STPG2: variants seen among roughly 807,000 people sequenced by gnomAD.
STPG2 encodes the protein sperm-tail PG-rich repeat-containing protein 2.
Under a neutral mutation model 54.2 loss-of-function variants are expected in STPG2, and 56 were observed. The observed-to-expected ratio is 1.03, with a 90% CI of 0.83 to 1.29. The LOEUF is 1.29. Ranked by LOEUF, STPG2 falls within the 50% of genes most tolerant of loss-of-function variation. The pLI, the probability that STPG2 is intolerant of heterozygous loss-of-function variation, is 0.00. For missense variants in STPG2, 596 were observed against 544.9 expected, an observed-to-expected ratio of 1.09 and a Z score of -0.93; for synonymous variants, 200 against 181.8, an observed-to-expected ratio of 1.10 and a Z score of -0.81.
At chr4:98,093,610 A>G (rs7663661) in intron 5 of STPG2, among the ~76,000 whole-genome samples, 60,145 of 151,988 alleles carry the variant, frequency 0.4, 12,135 homozygotes, top group Middle Eastern at 0.46. Context: ...ATCACAGTAC[A>G]TGGTTTTGAC....
intron 4 of STPG2, among the ~76,000 whole-genome samples, chr4:97,553,407 T>C (rs1489951923): frequency 2.0e-5 from 3 of 152,168 alleles, no homozygotes; most frequent in Non-Finnish European, 2.9e-5. Context: ...TAAATATTAC[T>C]ACATTTCTTC....
chr4:97,790,225 T>G (rs958588155), intron 9 of STPG2, among the ~76,000 whole-genome samples: 1 of 152,148 alleles, frequency 6.6e-6, no homozygotes, highest in Non-Finnish European at 1.5e-5. Context: ...TCCCTATCAT[T>G]TCTATTTACT....
intron 10 of STPG2, among the ~76,000 whole-genome samples, chr4:97,608,368 C>T (rs1733646280): frequency 6.6e-6 from 1 of 151,954 alleles, no homozygotes; most frequent in Non-Finnish European, 1.5e-5. Context: ...CATTGTAATG[C>T]TCAGAGGAAT....
At chr4:97,742,534 T>A (rs866061059) in intron 9 of STPG2, among the ~76,000 whole-genome samples, 1 of 137,598 alleles carries the variant, frequency 7.3e-6, no homozygotes, top group African/African-American at 2.7e-5. Context: ...TGTGTGTGTG[T>A]GTGTGTGTGT....
chr4:97,736,295 G>A (rs938671809), intron 9 of STPG2, among the ~76,000 whole-genome samples: 7 of 152,332 alleles, frequency 4.6e-5, no homozygotes, highest in Admixed American at 3.3e-4. Flanking sequence ...GAAGATGGGT[G>A]ATTTCTGCAT....
At chr4:97,541,247 A>G (rs1254138183) in intron 4 of STPG2, among the ~76,000 whole-genome samples, 3 of 152,136 alleles carry the variant, frequency 2.0e-5, no homozygotes, top group Non-Finnish European at 2.9e-5. Flanking sequence ...AAATCTCCTT[A>G]AGCTGATAAG....
chr4:98,065,747 A>G (rs1216511741), intron 5 of STPG2, among the ~76,000 whole-genome samples: 1 of 152,152 alleles, frequency 6.6e-6, no homozygotes, highest in African/African-American at 2.4e-5. Flanking sequence ...CAGAAGTGAA[A>G]GAGAAAAACC....
intron 8 of STPG2, among the ~76,000 whole-genome samples, chr4:97,942,250 A>G (rs962690800): frequency 5.3e-5 from 8 of 151,698 alleles, no homozygotes; most frequent in Non-Finnish European, 1.0e-4. Flanking sequence ...TGATATTATG[A>G]TAGAAATAAC....
At chr4:98,055,124 G>A (rs1737441322) in intron 5 of STPG2, among the ~76,000 whole-genome samples, 1 of 152,116 alleles carries the variant, frequency 6.6e-6, no homozygotes, top group South Asian at 2.1e-4. Flanking sequence ...AACAGCCAAT[G>A]GGAGAATCCT....
intron 4 of STPG2, among the ~76,000 whole-genome samples, chr4:97,447,569 G>A (rs1393581846): frequency 6.6e-6 from 1 of 152,194 alleles, no homozygotes; most frequent in Non-Finnish European, 1.5e-5. Flanking sequence ...CTCCAGCCTT[G>A]GCTAAAACGG....
At chr4:97,581,235 T>G (rs989288233) in intron 10 of STPG2, among the ~76,000 whole-genome samples, 4 of 152,078 alleles carry the variant, frequency 2.6e-5, no homozygotes, top group African/African-American at 9.7e-5. Context: ...CTCAGAAAGT[T>G]TTTTTGAGCA....
chr4:97,559,882 T>C (rs182264184), intron 10 of STPG2, among the ~76,000 whole-genome samples: 1 of 152,346 alleles, frequency 6.6e-6, no homozygotes, highest in African/African-American at 2.4e-5. Context: ...AAATATATAG[T>C]AAGAGCCTAC....
At chr4:97,877,523 T>C (rs886407767) in intron 8 of STPG2, among the ~76,000 whole-genome samples, 2 of 152,152 alleles carry the variant, frequency 1.3e-5, no homozygotes, top group Non-Finnish European at 2.9e-5. Context: ...AGGCATGTCT[T>C]ACATGGTGGC....
chr4:97,856,382 T>A (rs1273061320), intron 8 of STPG2, among the ~76,000 whole-genome samples: 1 of 152,188 alleles, frequency 6.6e-6, no homozygotes, highest in Non-Finnish European at 1.5e-5. Context: ...TCACTTCCCA[T>A]GTTAGCTGTA....
chr4:97,903,515 T>C (rs1165391957), intron 8 of STPG2, among the ~76,000 whole-genome samples: 1 of 150,226 alleles, frequency 6.7e-6, no homozygotes, highest in East Asian at 2.0e-4. Context: ...GTACAATAAA[T>C]ATAGAATCAA....
chr4:97,679,740 T>C (rs1320577862), intron 10 of STPG2, among the ~76,000 whole-genome samples: 2 of 152,222 alleles, frequency 1.3e-5, no homozygotes, highest in Non-Finnish European at 2.9e-5. Flanking sequence ...GGTTTTCTTC[T>C]AGGGTTTTTA....
intron 9 of STPG2, among the ~76,000 whole-genome samples, chr4:97,749,420 A>C (rs552318605): frequency 1.3e-5 from 2 of 151,860 alleles, no homozygotes; most frequent in East Asian, 3.9e-4. Flanking sequence ...CTTAAGAAAA[A>C]TACGTATGCC....
intron 7 of STPG2, among the ~76,000 whole-genome samples, chr4:97,966,071 G>A (rs983073528): frequency 6.6e-6 from 1 of 152,078 alleles, no homozygotes; most frequent in Non-Finnish European, 1.5e-5. Flanking sequence ...AATCAGTAAT[G>A]AGCTTCTCCG....
intron 4 of STPG2, among the ~76,000 whole-genome samples, chr4:97,459,677 G>A (rs1278300342): frequency 2.0e-5 from 3 of 151,952 alleles, no homozygotes; most frequent in South Asian, 2.1e-4. Context: ...TCCTGACCTC[G>A]TGATCCGCCT....
Sources: allele counts gnomAD v4.1 joint callset (sites outside exome capture counted in the v4.1 genomes callset), GRCh38; gene constraint gnomAD v4.1.1; transcripts MANE v1.5; gene names NCBI Gene and HGNC (gene_info 2026-07-23, HGNC 2026-07-21).